Variants in FAM204A observed in about 807,000 individuals in gnomAD.
FAM204A encodes protein FAM204A.
In FAM204A, 16 loss-of-function variants were observed where a neutral mutation model predicts 35.4. That is an observed-to-expected ratio of 0.45 (90% CI 0.31 to 0.69). The LOEUF (loss-of-function observed/expected upper bound fraction) is 0.69, where lower values mean the gene tolerates loss of function less well. FAM204A is among the 30% of genes least tolerant of loss of function. FAM204A has a pLI of 0.07. For missense variants in FAM204A, 240 were observed against 265.7 expected (o/e 0.90, Z 0.67); for synonymous variants, 76 against 86.9 (o/e 0.88, Z 0.70).
At chr10:118,335,986 C>A (rs1846378899) in intron 3 of FAM204A, 196 bp downstream of exon 3, 3 of 599,064 alleles carry the variant, frequency 5.0e-6, no homozygotes, top group Non-Finnish European at 8.1e-6. Flanking sequence ...CCCCCTCCGT[C>A]TTTCTATGAA....
At chr10:118,336,092 G>A in intron 3 of FAM204A, 90 bp downstream of exon 3, 1 of 1,448,588 alleles carries the variant, frequency 6.9e-7, no homozygotes, top group East Asian at 2.3e-5. Context: ...TAAGTCCCAA[G>A]AATACATGCA....
rs958676946 is a variant in FAM204A, at chr10:118,307,715, C to A, written c.*3142G>T. ...TCATTTTTTGTGAATTAAATTCAAACTTGTCTTATTAAAGTTATTAATAAG... is the reference window on the plus strand; with the variant it reads ...TCATTTTTTGTGAATTAAATTCAAAATTGTCTTATTAAAGTTATTAATAAG... On this transcript the variant is annotated 3_prime_UTR_variant, in exon 9 of 9. Coordinates refer to ENST00000369183, the MANE Select transcript of FAM204A (RefSeq NM_022063.3). The A allele has an allele frequency of 6.6e-6, 1 of 152,142 alleles. No homozygotes were observed. The highest frequency in any genetic ancestry group is 1.9e-4 in the East Asian group (1 of 5,202). The allele number at this position is 152,142 out of a possible 1,614,324, so 9.4% of individuals were successfully genotyped here. A position where few individuals can be genotyped will look rare whatever the true frequency, so the allele number is the denominator to read the frequency against.
intron 7 of FAM204A, among the ~76,000 whole-genome samples, 179 bp downstream of exon 7, chr10:118,325,975 A>T (rs2133281009): frequency 6.6e-6 from 1 of 152,344 alleles, no homozygotes; most frequent in African/African-American, 2.4e-5. Flanking sequence ...AAAACATTAA[A>T]GACAAAATAA....
rs931999754 is a variant in FAM204A, at chr10:118,309,423, G to A, written c.*1434C>T. ...AATATAATCATGATTCATTTTACAT[G>A]TTTCTGAATTTATATTATCAACCCA... On this transcript the variant is annotated 3_prime_UTR_variant, in exon 9 of 9. Transcript: ENST00000369183. 3.9e-5 allele frequency: 6 copies of A among 152,094 alleles called. No homozygotes were observed. Among genetic ancestry groups the A allele is most frequent in the Admixed American group, 6.5e-5 (1 of 15,270 alleles). The allele number at this position is 152,094 out of a possible 1,614,324, so 9.4% of individuals were successfully genotyped here. A position where few individuals can be genotyped will look rare whatever the true frequency, so the allele number is the denominator to read the frequency against.
intron 7 of FAM204A, among the ~76,000 whole-genome samples, chr10:118,312,028 C>G (rs781768655): frequency 6.6e-6 from 1 of 152,146 alleles, no homozygotes; most frequent in Non-Finnish European, 1.5e-5. Context: ...CAACCTAAAA[C>G]AGTCCCTGTT....
chr10:118,336,098 A>C, intron 3 of FAM204A, 84 bp downstream of exon 3: 1 of 1,474,816 alleles, frequency 6.8e-7, no homozygotes, highest in East Asian at 2.3e-5. Flanking sequence ...CCAAGAATAC[A>C]TGCACATTCT....
Position 118,311,240 on chromosome 10 carries a change from T to A in FAM204A, c.617A>T (p.Gln206Leu). 6.2e-7 allele frequency: 1 copy of A among 1,611,632 alleles called. No individual in the cohort carries two copies. The highest frequency in any genetic ancestry group is 8.5e-7 in the Non-Finnish European group (1 of 1,179,616). Residue 206 changes from glutamine (Q) to leucine (L), a missense_variant, in exon 8 of 9, where the codon CAG becomes CTG. Physicochemically the swap from Gln to Leu is moderately radical, Grantham distance 113 (BLOSUM62 -2). This residue lies in a region of FAM204A where 232 missense variants were observed against 242.8 expected (regional missense o/e 0.96). Coordinates refer to ENST00000369183, the MANE Select transcript of FAM204A (RefSeq NM_022063.3). The stretch of plus-strand genomic sequence containing the variant: ...AAGTTTCTTCTTTTTTCGGGCAGCC[T>A]GTGAATTTTCAACCTCCTTTTTGGC... Reference protein sequence around the residue: ...VKAKKEVENSQAARKKKKLAW... With the variant: ...VKAKKEVENSLAARKKKKLAW...
Position 118,305,343 on chromosome 10 carries a change from T to G in FAM204A, c.*5514A>C, listed in dbSNP as rs1191696597. On this transcript the variant is annotated 3_prime_UTR_variant, in exon 9 of 9. Transcript: ENST00000369183. The stretch of plus-strand genomic sequence containing the variant: ...CAAGCTAAAATAAAGGACACGTTAA[T>G]GCAGTCTAAGAAAACTTTAAGCTTA... 1 of 152,208 alleles carries G rather than the reference T, an allele frequency of 6.6e-6. No homozygotes were observed. The highest frequency in any genetic ancestry group is 2.4e-5 in the African/African-American group (1 of 41,450). 9.4% of individuals were successfully genotyped at this position (152,208 alleles called of 1,614,324 possible). A position where few individuals can be genotyped will look rare whatever the true frequency, so the allele number is the denominator to read the frequency against.
At chr10:118,315,210 T>C (rs1444094754) in intron 7 of FAM204A, among the ~76,000 whole-genome samples, 3 of 152,254 alleles carry the variant, frequency 2.0e-5, no homozygotes, top group African/African-American at 7.2e-5. Flanking sequence ...GGTTGTAAAA[T>C]AGATATAATG....
At position 118,335,052 on chromosome 10, in the gene FAM204A, G is replaced by A. The variant is rs548838237; in HGVS notation, c.453+62C>T. On this transcript the variant is annotated intron_variant, in intron 6 of 8. Coordinates refer to ENST00000369183, the MANE Select transcript of FAM204A (RefSeq NM_022063.3). ...TGAATTAATGAGGACAAGTACTTTA[G>A]GCGAGGCTAATCACAAACATATCCT... 285 of 1,211,164 alleles carry A rather than the reference G, an allele frequency of 2.4e-4. 1 individual carries two copies. In the African/African-American group the frequency reaches 3.9e-3, roughly 17 times the overall value. 75.0% of individuals were successfully genotyped at this position (1,211,164 alleles called of 1,614,324 possible).
intron 7 of FAM204A, 100 bp downstream of exon 7, chr10:118,326,054 G>T: frequency 1.2e-6 from 1 of 851,838 alleles, no homozygotes; most frequent in Non-Finnish European, 1.8e-6. Flanking sequence ...AACCTCAGAT[G>T]AAATATTTTA....
At position 118,304,765 on chromosome 10, in the gene FAM204A, C is replaced by T. The variant is rs943785330; in HGVS notation, c.*6092G>A. ...CACACCCACTACACGGTAATATGAA[C>T]AGCTACTTTGACTCAGCTCTGTCAA... On this transcript the variant is annotated 3_prime_UTR_variant, in exon 9 of 9. Transcript: ENST00000369183. The T allele has an allele frequency of 1.3e-5, 2 of 152,244 alleles. No homozygotes were observed. The highest frequency in any genetic ancestry group is 2.9e-5 in the Non-Finnish European group (2 of 68,048). The allele number at this position is 152,244 out of a possible 1,614,324, so 9.4% of individuals were successfully genotyped here. A position where few individuals can be genotyped will look rare whatever the true frequency, so the allele number is the denominator to read the frequency against.
At position 118,310,022 on chromosome 10, in the gene FAM204A, T is replaced by A. The variant is rs1009436268; in HGVS notation, c.*835A>T. ...CTGAAATATCAAGTCTGCCTCCAATTAAAAAAAAACAGTAACTACTTTTAT... is the reference window on the plus strand; with the variant it reads ...CTGAAATATCAAGTCTGCCTCCAATAAAAAAAAAACAGTAACTACTTTTAT... On this transcript the variant is annotated 3_prime_UTR_variant, in exon 9 of 9. Coordinates refer to ENST00000369183, the MANE Select transcript of FAM204A (RefSeq NM_022063.3). 6.6e-6 allele frequency: 1 copy of A among 150,922 alleles called. No homozygotes were observed. Among genetic ancestry groups the A allele is most frequent in the Admixed American group, 6.6e-5 (1 of 15,140 alleles). 9.3% of individuals were successfully genotyped at this position (150,922 alleles called of 1,614,324 possible). A position where few individuals can be genotyped will look rare whatever the true frequency, so the allele number is the denominator to read the frequency against.
At chr10:118,329,601 C>T (rs191532399) in intron 6 of FAM204A, among the ~76,000 whole-genome samples, 247 of 152,278 alleles carry the variant, frequency 1.6e-3, no homozygotes, top group Non-Finnish European at 3.1e-3. Context: ...CCAGGCTCTC[C>T]ACTCTGTGCT....
intron 6 of FAM204A, among the ~76,000 whole-genome samples, chr10:118,327,263 G>A (rs1279351187): frequency 6.6e-6 from 1 of 152,128 alleles, no homozygotes. Context: ...AATCAACTGA[G>A]AGAATTTTGT....
At position 118,298,860 on chromosome 10, in the gene FAM204A, C is replaced by A. The variant is rs1282113494; in HGVS notation, c.*11997G>T. The A allele has an allele frequency of 6.6e-6, 1 of 151,986 alleles. No homozygotes were observed. Among genetic ancestry groups the A allele is most frequent in the East Asian group, 1.9e-4 (1 of 5,182 alleles). 9.4% of individuals were successfully genotyped at this position (151,986 alleles called of 1,614,324 possible). A position where few individuals can be genotyped will look rare whatever the true frequency, so the allele number is the denominator to read the frequency against. ...ATGCGTTTTCATTGTTAGGTTGCAC[C>A]GTTAATTCTCTGTTGCATTACCTAT... On this transcript the variant is annotated 3_prime_UTR_variant, in exon 9 of 9. Coordinates refer to ENST00000369183, the MANE Select transcript of FAM204A (RefSeq NM_022063.3).
In FAM204A at chr10:118,336,407, A is replaced by AC. The variant is rs1447684579; in HGVS notation, c.8dup (p.Ser3ArgfsTer10). On this transcript the variant is annotated frameshift_variant, in exon 3 of 9. Transcript: ENST00000369183. LOFTEE classifies it high-confidence loss of function. ...CATTTAGGCCAGGAGGTAGCAGCCCACTCCACATCTTTTCTTCTATGAGGA... is the reference window on the plus strand; with the variant it reads ...CATTTAGGCCAGGAGGTAGCAGCCCACCTCCACATCTTTTCTTCTATGAGGA... 1.2e-6 allele frequency: 2 copies of AC among 1,608,050 alleles called. No individual in the cohort carries two copies. Among genetic ancestry groups the AC allele is most frequent in the South Asian group, 2.2e-5 (2 of 90,110 alleles).
In FAM204A at chr10:118,335,583, C is replaced by T; in HGVS notation, c.293G>A (p.Arg98Lys). ...TCTGGAGCGTTTTCTTCTTTTCCCT[C>T]TGAATCTTGAGGTTGTGCTTTTCTG... ...SEQKSTTSRFRGKRRKRSRKD... is the reference protein window; with the variant it reads ...SEQKSTTSRFKGKRRKRSRKD... Residue 98 changes from arginine (R) to lysine (K), a missense_variant, in exon 4 of 9, where the codon AGA becomes AAA. Physicochemically the swap from Arg to Lys is conservative, Grantham distance 26 (BLOSUM62 2). This residue lies in a region of FAM204A where 232 missense variants were observed against 242.8 expected (regional missense o/e 0.96). Coordinates refer to ENST00000369183, the MANE Select transcript of FAM204A (RefSeq NM_022063.3). 6.2e-7 allele frequency: 1 copy of T among 1,611,678 alleles called. No individual in the cohort carries two copies. The highest frequency in any genetic ancestry group is 1.1e-5 in the South Asian group (1 of 90,036).
Position 118,336,354 on chromosome 10 carries a change from T to A in FAM204A, c.62A>T (p.Asp21Val), listed in dbSNP as rs1846386683. The A allele has an allele frequency of 6.2e-7, 1 of 1,613,982 alleles. No homozygotes were observed. The highest frequency in any genetic ancestry group is 2.2e-5 in the East Asian group (1 of 44,888). Residue 21 changes from aspartate (D) to valine (V), a missense_variant, in exon 3 of 9, where the codon GAT becomes GTT. Transcript: ENST00000369183. ...NESDAESNSEDEATLENSGLN... is the reference protein window; with the variant it reads ...NESDAESNSEVEATLENSGLN... ...TCCAGAGTTCTCCAACGTAGCTTCATCTTCCGAGTTTGACTCAGCGTCACT... is the reference window on the plus strand; with the variant it reads ...TCCAGAGTTCTCCAACGTAGCTTCAACTTCCGAGTTTGACTCAGCGTCACT...
Sources: gnomAD v4.1 joint callset for allele counts (sites outside exome capture counted in the v4.1 genomes callset) on GRCh38, gnomAD v4.1.1 for gene constraint, gnomAD v4.1.1 regional missense constraint, MANE v1.5 for transcripts, NCBI Gene and HGNC (gene_info 2026-07-23, HGNC 2026-07-21) for gene names.